The following BMAL2 variants were observed in gnomAD, a reference collection of about 807,000 sequenced individuals.
The protein encoded by BMAL2 is basic helix-loop-helix ARNT-like protein 2.
chr12:27,368,181 T>C, the BMAL2 span: 1 of 1,522,470 alleles, frequency 6.6e-7, no homozygotes, highest in Admixed American at 1.9e-5. Flanking sequence ...AGAAAAGTCA[T>C]TTAAAATGTG....
the BMAL2 span, among the ~76,000 whole-genome samples, chr12:27,400,043 T>C: frequency 1.3e-5 from 2 of 152,206 alleles, no homozygotes; most frequent in African/African-American, 4.8e-5. Flanking sequence ...ATTATAACCT[T>C]ATGTATCTGT....
At chr12:27,420,436 T>A in the BMAL2 span, 1 of 1,613,942 alleles carries the variant, frequency 6.2e-7, no homozygotes, top group Non-Finnish European at 8.5e-7. Flanking sequence ...TATGTGACAA[T>A]GATGACACAG....
At chr12:27,378,262 T>C in the BMAL2 span, among the ~76,000 whole-genome samples, 1 of 152,218 alleles carries the variant, frequency 6.6e-6, no homozygotes, top group South Asian at 2.1e-4. Flanking sequence ...CTTGTGATGC[T>C]TTAAATAATA....
At chr12:27,399,852 T>G in the BMAL2 span, among the ~76,000 whole-genome samples, 1 of 152,240 alleles carries the variant, frequency 6.6e-6, no homozygotes, top group Non-Finnish European at 1.5e-5. Context: ...ATTTTTTGCT[T>G]AAGCATGATA....
the BMAL2 span, among the ~76,000 whole-genome samples, chr12:27,370,470 A>G: frequency 0.024 from 3,636 of 152,306 alleles, 144 homozygotes; most frequent in African/African-American, 0.082. Context: ...CAGGAAAGCC[A>G]GTCAATAGGT....
chr12:27,410,658 A>C, the BMAL2 span, among the ~76,000 whole-genome samples: 2 of 152,174 alleles, frequency 1.3e-5, no homozygotes, highest in Admixed American at 6.5e-5. Context: ...TGAAGAGTTA[A>C]TGGGTGCAGC....
At chr12:27,363,013 C>T in the BMAL2 span, among the ~76,000 whole-genome samples, 361 of 152,228 alleles carry the variant, frequency 2.4e-3, 1 homozygote, top group Non-Finnish European at 3.5e-3. Context: ...CTGTGTTGCC[C>T]AGGCTGGTCT....
chr12:27,353,906 G>T, the BMAL2 span, among the ~76,000 whole-genome samples: 2 of 152,220 alleles, frequency 1.3e-5, no homozygotes, highest in East Asian at 3.9e-4. Context: ...TTATTAAAAA[G>T]TCAGAAAATA....
At chr12:27,391,157 C>G in the BMAL2 span, among the ~76,000 whole-genome samples, 1 of 152,016 alleles carries the variant, frequency 6.6e-6, no homozygotes, top group Non-Finnish European at 1.5e-5. Flanking sequence ...GAGCATAGTA[C>G]CCAGTAGATA....
At chr12:27,399,911 C>T in the BMAL2 span, among the ~76,000 whole-genome samples, 4 of 152,110 alleles carry the variant, frequency 2.6e-5, no homozygotes, top group South Asian at 8.3e-4. Context: ...GGTGGACATG[C>T]TTGACAAGCT....
the BMAL2 span, among the ~76,000 whole-genome samples, chr12:27,408,050 C>T: frequency 6.6e-6 from 1 of 152,058 alleles, no homozygotes; most frequent in Non-Finnish European, 1.5e-5. Flanking sequence ...CAGGAAGAAG[C>T]TGAATCCCTG....
chr12:27,404,729 C>A, the BMAL2 span, among the ~76,000 whole-genome samples: 3 of 152,166 alleles, frequency 2.0e-5, no homozygotes, highest in African/African-American at 7.2e-5. Context: ...GGGTTCATCT[C>A]ACTGGGGATT....
chr12:27,415,606 C>T, the BMAL2 span, among the ~76,000 whole-genome samples: 59 of 152,200 alleles, frequency 3.9e-4, no homozygotes, highest in African/African-American at 1.4e-3. Context: ...TTAACACATG[C>T]TATATTGACA....
At chr12:27,385,177 G>T in the BMAL2 span, among the ~76,000 whole-genome samples, 1 of 152,106 alleles carries the variant, frequency 6.6e-6, no homozygotes, top group Non-Finnish European at 1.5e-5. Flanking sequence ...AGCTGGGCGT[G>T]GTGGCATGCG....
At chr12:27,413,909 C>G in the BMAL2 span, among the ~76,000 whole-genome samples, 567 of 152,162 alleles carry the variant, frequency 3.7e-3, 4 homozygotes, top group African/African-American at 0.013. Context: ...TGGCACACAC[C>G]GGTAGTACCA....
At chr12:27,368,431 C>G in the BMAL2 span, 1 of 1,612,806 alleles carries the variant, frequency 6.2e-7, no homozygotes, top group South Asian at 1.1e-5. Context: ...ATTTGGTCCT[C>G]TAACCCAGTG....
At chr12:27,372,460 T>G in the BMAL2 span, among the ~76,000 whole-genome samples, 1 of 152,210 alleles carries the variant, frequency 6.6e-6, no homozygotes, top group Non-Finnish European at 1.5e-5. Context: ...AATGCTACTA[T>G]GAACATTGAT....
At chr12:27,360,106 A>G in the BMAL2 span, among the ~76,000 whole-genome samples, 1 of 151,930 alleles carries the variant, frequency 6.6e-6, no homozygotes, top group Non-Finnish European at 1.5e-5. Context: ...AAGAGAAGGA[A>G]TTTAGCACTG....
At chr12:27,379,967 C>G in the BMAL2 span, among the ~76,000 whole-genome samples, 1 of 152,134 alleles carries the variant, frequency 6.6e-6, no homozygotes, top group Non-Finnish European at 1.5e-5. Context: ...ATATTGGAAA[C>G]AGGTGGAAAA....
Sources: allele counts gnomAD v4.1 joint callset (sites outside exome capture counted in the v4.1 genomes callset), GRCh38; gene constraint gnomAD v4.1.1; transcripts MANE v1.5; gene names NCBI Gene and HGNC (gene_info 2026-07-23, HGNC 2026-07-21).